Variants in CHN1 observed in about 807,000 individuals in gnomAD.
CHN1 encodes chimerin 1.
Under a neutral mutation model 59.5 loss-of-function variants are expected in CHN1, and 37 were observed. The ratio of observed to expected loss-of-function variants is 0.62; its 90% CI spans 0.48 to 0.82. CHN1 has a LOEUF of 0.82. Among genes scored for constraint, CHN1 ranks in the 40% least tolerant of loss-of-function variants. The pLI is 0.00. For missense variants in CHN1, 469 were observed against 571.0 expected (o/e 0.82, Z 1.82); for synonymous variants, 206 against 200.4 (o/e 1.03, Z -0.24).
At chr2:174,843,512 C>T (rs1486609931) in intron 7 of CHN1, among the ~76,000 whole-genome samples, 1 of 152,132 alleles carries the variant, frequency 6.6e-6, no homozygotes, top group East Asian at 1.9e-4. Flanking sequence ...GCTGGGATTA[C>T]AGGCATGAGC....
chr2:174,992,582 C>A lies in CHN1; in HGVS notation c.19+12312G>T, dbSNP rs143092093. Among the ~76,000 whole-genome samples the A allele has an allele frequency of 6.4e-3, 979 of 152,324 alleles. 16 individuals are homozygous for A. The highest frequency in any genetic ancestry group is 0.022 in the African/African-American group (930 of 41,566). Reference sequence around the variant, plus strand: ...TCAAACAAGCCACTGGATACTGGCTCCTAATGGATAAAGCACTTCCAGTTG... The same window carrying A: ...TCAAACAAGCCACTGGATACTGGCTACTAATGGATAAAGCACTTCCAGTTG... On this transcript the variant is annotated intron_variant, in intron 1 of 12. Coordinates refer to ENST00000409900, the MANE Select transcript of CHN1 (RefSeq NM_001822.7).
chr2:174,818,683 T>G (rs899420260), intron 8 of CHN1, among the ~76,000 whole-genome samples: 1 of 152,168 alleles, frequency 6.6e-6, no homozygotes, highest in Admixed American at 6.5e-5. Flanking sequence ...ATTTCTCAAG[T>G]TAATAAGCAT....
At chr2:174,912,016 C>T (rs953381785) in intron 5 of CHN1, among the ~76,000 whole-genome samples, 15 of 152,160 alleles carry the variant, frequency 9.9e-5, no homozygotes, top group East Asian at 1.9e-4. Context: ...TCGTTGGTTT[C>T]GGCTGTGTGA....
chr2:174,860,289 C>A (rs905723644), intron 6 of CHN1, among the ~76,000 whole-genome samples: 2 of 152,116 alleles, frequency 1.3e-5, no homozygotes, highest in Non-Finnish European at 2.9e-5. Context: ...CCATTTCAAT[C>A]TCATGGGTAA....
chr2:174,887,490 G>A (rs1355708023), intron 5 of CHN1, among the ~76,000 whole-genome samples: 1 of 152,044 alleles, frequency 6.6e-6, no homozygotes, highest in Non-Finnish European at 1.5e-5. Flanking sequence ...TCTCTAGGAG[G>A]TATTACTATT....
intron 3 of CHN1, among the ~76,000 whole-genome samples, chr2:174,938,706 A>G (rs537757024): frequency 6.6e-6 from 1 of 152,314 alleles, no homozygotes; most frequent in Admixed American, 6.5e-5. Context: ...TAAGCTGTTA[A>G]TAAGTAACAG....
intron 8 of CHN1, among the ~76,000 whole-genome samples, chr2:174,813,300 T>C (rs1685136362): frequency 6.6e-6 from 1 of 152,228 alleles, no homozygotes; most frequent in Non-Finnish European, 1.5e-5. Flanking sequence ...ACAAAGGATA[T>C]AGCTGAAGAG....
rs113212297 is a variant in CHN1 at position 174,850,672 on chromosome 2, C to T, written c.550-3715G>A. ...GTCTGTAATCTGCTTTAGGTCTATA[C>T]CACATAAGCATGCCTGGAAACACTG... On this transcript the variant is annotated intron_variant, in intron 6 of 12. Coordinates refer to ENST00000409900, the MANE Select transcript of CHN1 (RefSeq NM_001822.7). Among the ~76,000 whole-genome samples the T allele has an allele frequency of 8.2e-3, 1,255 of 152,230 alleles. 6 individuals are homozygous for T. Among genetic ancestry groups the T allele is most frequent in the Non-Finnish European group, 0.015 (1,004 of 68,006 alleles).
At chr2:174,941,801 C>T (rs999997702) in intron 3 of CHN1, among the ~76,000 whole-genome samples, 3 of 152,104 alleles carry the variant, frequency 2.0e-5, no homozygotes, top group Non-Finnish European at 4.4e-5. Flanking sequence ...AACCTCTGGG[C>T]TCAAGCTGTC....
chr2:174,953,162 A>G (rs1199254891), intron 1 of CHN1, among the ~76,000 whole-genome samples: 1 of 150,912 alleles, frequency 6.6e-6, no homozygotes, highest in East Asian at 1.9e-4. Flanking sequence ...TCTCCAAGGA[A>G]GCAAAAAAAA....
intron 3 of CHN1, among the ~76,000 whole-genome samples, chr2:174,935,116 G>A (rs573616369): frequency 1.3e-5 from 2 of 152,258 alleles, no homozygotes; most frequent in South Asian, 2.1e-4. Context: ...AGCTTTCCGG[G>A]CTTATCTTTT....
chr2:174,885,394 T>A (rs373219282), intron 5 of CHN1, among the ~76,000 whole-genome samples: 1 of 152,212 alleles, frequency 6.6e-6, no homozygotes, highest in East Asian at 1.9e-4. Context: ...ATTACCATGA[T>A]AGAGTGTTTG....
intron 1 of CHN1, among the ~76,000 whole-genome samples, chr2:174,975,340 T>G (rs1354615091): frequency 1.3e-5 from 2 of 152,184 alleles, no homozygotes; most frequent in African/African-American, 2.4e-5. Context: ...GAAAGAATAG[T>G]ACAAGAAATC....
At chr2:174,846,065 G>A (rs1178865048) in intron 7 of CHN1, among the ~76,000 whole-genome samples, 1 of 152,052 alleles carries the variant, frequency 6.6e-6, no homozygotes, top group African/African-American at 2.4e-5. Context: ...CTAACTATTG[G>A]GAAGTTACTA....
rs1558999672 is a variant in CHN1 at position 174,961,627 on chromosome 2, T to A, written c.20-9425A>T. 4.0e-5 allele frequency among the ~76,000 whole-genome samples: 6 copies of A among 151,642 alleles called. No individual in the cohort carries two copies. The South Asian group carries it at 1.3e-3, about 32-fold the overall frequency. On this transcript the variant is annotated intron_variant, in intron 1 of 12. Coordinates refer to ENST00000409900, the MANE Select transcript of CHN1 (RefSeq NM_001822.7). ...AAATAAATAAAAATAAAAATAAAAT[T>A]AAAAAAATAAAAATAATAAGCCTAT...
intron 1 of CHN1, among the ~76,000 whole-genome samples, chr2:174,972,815 TAAGG>T (rs138193123): frequency 0.023 from 3,575 of 152,258 alleles, 127 homozygotes; most frequent in African/African-American, 0.081. Flanking sequence ...CAGCTATGCA[TAAGG>T]AAGATCAGAA....
At position 175,005,018 on chromosome 2, in the gene CHN1, C is replaced by A; in HGVS notation, c.-106G>T. 1.4e-6 allele frequency: 2 copies of A among 1,476,798 alleles called. No homozygotes were observed. Among genetic ancestry groups the A allele is most frequent in the South Asian group, 1.3e-5 (1 of 79,452 alleles). The allele number at this position is 1,476,798 out of a possible 1,614,324, so 91.5% of individuals were successfully genotyped here. On this transcript the variant is annotated 5_prime_UTR_variant, in exon 1 of 13. Transcript: ENST00000409900. Reference sequence around the variant, plus strand: ...CCACACCTCGGAGAGAGTGGGGTGCCCGATGGGGCGTGCTGGGGGCGCCGG... The same window carrying A: ...CCACACCTCGGAGAGAGTGGGGTGCACGATGGGGCGTGCTGGGGGCGCCGG...
At chr2:174,996,019 G>T (rs973428612) in intron 1 of CHN1, among the ~76,000 whole-genome samples, 1 of 142,644 alleles carries the variant, frequency 7.0e-6, no homozygotes, top group Admixed American at 7.5e-5. Context: ...TTTTGCCATC[G>T]CTATGTTTGT....
At chr2:174,813,013 G>T (rs866019895) in intron 8 of CHN1, among the ~76,000 whole-genome samples, 1 of 152,114 alleles carries the variant, frequency 6.6e-6, no homozygotes, top group Non-Finnish European at 1.5e-5. Context: ...GGAAATAGCT[G>T]TAACTATTAT....
Sources: gnomAD v4.1 joint callset for allele counts (sites outside exome capture counted in the v4.1 genomes callset) on GRCh38, gnomAD v4.1.1 for gene constraint, MANE v1.5 for transcripts, NCBI Gene and HGNC (gene_info 2026-07-23, HGNC 2026-07-21) for gene names.